Variants in NAALADL2 observed in about 807,000 individuals in gnomAD.
The protein encoded by NAALADL2 is N-acetylated alpha-linked acidic dipeptidase like 2.
In NAALADL2, 76 loss-of-function variants were observed where a neutral mutation model predicts 87.2. The ratio of observed to expected loss-of-function variants is 0.87; its 90% CI spans 0.72 to 1.05. The LOEUF (loss-of-function observed/expected upper bound fraction) is 1.05. NAALADL2 is among the 50% of genes least tolerant of loss of function. NAALADL2 has a pLI of 0.00. For synonymous variants in NAALADL2, 354 were observed against 331.0 expected (o/e 1.07, Z -0.75); for missense variants, 1,089 against 945.8 (o/e 1.15, Z -1.99).
intron 1 of NAALADL2, among the ~76,000 whole-genome samples, chr3:175,066,674 A>T (rs764564569): frequency 3.9e-5 from 6 of 152,164 alleles, no homozygotes; most frequent in Non-Finnish European, 5.9e-5. Context: ...GTTTAAAAAA[A>T]AGTCTTGCAT....
chr3:175,541,187 C>T (rs917021565), intron 9 of NAALADL2, among the ~76,000 whole-genome samples: 3 of 152,196 alleles, frequency 2.0e-5, no homozygotes, highest in South Asian at 4.1e-4. Flanking sequence ...CACTCTCAAT[C>T]AGTCAACTTG....
At chr3:174,586,091 G>A (rs1716688410) in intron 2 of NAALADL2, among the ~76,000 whole-genome samples, 1 of 152,054 alleles carries the variant, frequency 6.6e-6, no homozygotes, top group Non-Finnish European at 1.5e-5. Context: ...ACAAATATAC[G>A]GTTAACAAAT....
At chr3:175,331,405 A>G (rs955684362) in intron 5 of NAALADL2, among the ~76,000 whole-genome samples, 4 of 152,230 alleles carry the variant, frequency 2.6e-5, no homozygotes, top group Non-Finnish European at 5.9e-5. Flanking sequence ...ATCATCAACC[A>G]AATACTAGCA....
chr3:175,706,517 T>A (rs534653327), intron 11 of NAALADL2, among the ~76,000 whole-genome samples: 75 of 152,272 alleles, frequency 4.9e-4, no homozygotes, highest in Non-Finnish European at 1.0e-3. Context: ...TGTTCTCACC[T>A]ATTTTTGGAC....
At chr3:175,614,476 A>G (rs1725075355) in intron 10 of NAALADL2, among the ~76,000 whole-genome samples, 2 of 152,242 alleles carry the variant, frequency 1.3e-5, no homozygotes, top group South Asian at 4.1e-4. Context: ...GATTATTTTT[A>G]AGTGTTGATA....
At chr3:174,838,549 A>C (rs943292339) in intron 3 of NAALADL2, among the ~76,000 whole-genome samples, 9 of 151,990 alleles carry the variant, frequency 5.9e-5, no homozygotes, top group African/African-American at 2.2e-4. Flanking sequence ...AGAGGAAGTC[A>C]AACTGTCGCT....
At chr3:175,531,013 C>A (rs1368647010) in intron 9 of NAALADL2, among the ~76,000 whole-genome samples, 1 of 152,088 alleles carries the variant, frequency 6.6e-6, no homozygotes. Context: ...CTGTGATTTA[C>A]CTATGGGGGC....
chr3:175,012,132 A>T (rs1216024763), intron 1 of NAALADL2, among the ~76,000 whole-genome samples: 1 of 152,124 alleles, frequency 6.6e-6, no homozygotes, highest in African/African-American at 2.4e-5. Context: ...CAGTATTGTA[A>T]GCTAAGATTC....
chr3:175,255,555 C>A (rs1256537393), intron 3 of NAALADL2, among the ~76,000 whole-genome samples: 1 of 151,966 alleles, frequency 6.6e-6, no homozygotes, highest in Admixed American at 6.6e-5. Context: ...AGCATAACAA[C>A]TATTGTTTTA....
At chr3:175,498,359 A>G (rs944565473) in intron 9 of NAALADL2, among the ~76,000 whole-genome samples, 1 of 152,136 alleles carries the variant, frequency 6.6e-6, no homozygotes, top group Non-Finnish European at 1.5e-5. Context: ...AAGTTTTGAT[A>G]GGAAGGCAAA....
intron 1 of NAALADL2, among the ~76,000 whole-genome samples, chr3:175,037,610 A>G (rs1333545606): frequency 6.6e-6 from 1 of 152,096 alleles, no homozygotes; most frequent in Non-Finnish European, 1.5e-5. Flanking sequence ...TCTGGATTCC[A>G]CAGTCTGCCT....
chr3:175,198,158 G>A (rs918300506), intron 2 of NAALADL2, among the ~76,000 whole-genome samples: 1 of 152,026 alleles, frequency 6.6e-6, no homozygotes, highest in Non-Finnish European at 1.5e-5. Context: ...AATAACACAA[G>A]TGTTGAATAT....
chr3:175,667,211 GAAA>G (rs1733196301), intron 11 of NAALADL2, among the ~76,000 whole-genome samples: 1 of 121,526 alleles, frequency 8.2e-6, no homozygotes. Flanking sequence ...AAGAAAGAAA[GAAA>G]GAAAGAAAGA....
chr3:175,327,810 T>A (rs1418937875), intron 5 of NAALADL2, among the ~76,000 whole-genome samples: 1 of 152,184 alleles, frequency 6.6e-6, no homozygotes, highest in Non-Finnish European at 1.5e-5. Flanking sequence ...GTAAGAGTCT[T>A]CATTAAAAGT....
At position 174,928,320 on chromosome 3, in the gene NAALADL2, A is replaced by G. The variant is rs376992736; in HGVS notation, c.43+68870A>G. 3.9e-5 allele frequency among the ~76,000 whole-genome samples: 6 copies of G among 152,088 alleles called. No individual in the cohort carries two copies. The South Asian group carries it at 1.0e-3, about 26-fold the overall frequency. On this transcript the variant is annotated intron_variant, in intron 1 of 13. Coordinates refer to ENST00000454872, the MANE Select transcript of NAALADL2 (RefSeq NM_207015.3). ...TGCAATGCGATCTCGGCTCACTGCAACCTCTGCCTCCAGAGTTCAAGCGAT... is the reference window on the plus strand; with the variant it reads ...TGCAATGCGATCTCGGCTCACTGCAGCCTCTGCCTCCAGAGTTCAAGCGAT...
chr3:175,262,257 C>G (rs1751161098), intron 4 of NAALADL2, among the ~76,000 whole-genome samples: 1 of 151,972 alleles, frequency 6.6e-6, no homozygotes, highest in Admixed American at 6.6e-5. Flanking sequence ...TTACATGAAG[C>G]ATTTGCATAC....
chr3:175,238,178 C>T (rs898333306), intron 3 of NAALADL2, among the ~76,000 whole-genome samples: 11 of 152,016 alleles, frequency 7.2e-5, no homozygotes, highest in South Asian at 6.2e-4. Context: ...TCAACCTCTA[C>T]TGCAGATTTC....
At chr3:174,949,234 A>G (rs759992912) in intron 1 of NAALADL2, among the ~76,000 whole-genome samples, 1 of 152,170 alleles carries the variant, frequency 6.6e-6, no homozygotes, top group African/African-American at 2.4e-5. Flanking sequence ...GCTCTTACCC[A>G]TAGCCCTTCA....
At chr3:175,431,582 C>T (rs1294994846) in intron 5 of NAALADL2, among the ~76,000 whole-genome samples, 2 of 151,882 alleles carry the variant, frequency 1.3e-5, no homozygotes, top group Non-Finnish European at 2.9e-5. Context: ...GGAATGTCGG[C>T]GTGCAGGCAT....
Sources: allele counts gnomAD v4.1 joint callset (sites outside exome capture counted in the v4.1 genomes callset), GRCh38; gene constraint gnomAD v4.1.1; transcripts MANE v1.5; gene names NCBI Gene and HGNC (gene_info 2026-07-23, HGNC 2026-07-21).